PTPRT: variants seen among roughly 807,000 people sequenced by gnomAD.
The protein encoded by PTPRT is protein tyrosine phosphatase receptor type T, also known as receptor-type tyrosine-protein phosphatase T.
PTPRT carries 56 observed loss-of-function variants against 176.8 expected under a neutral mutation model. The ratio of observed to expected loss-of-function variants is 0.32; its 90% CI spans 0.26 to 0.40. The LOEUF (loss-of-function observed/expected upper bound fraction) is 0.40. PTPRT is among the 10% of genes least tolerant of loss of function. The pLI is 1.00. For missense variants in PTPRT, 1,540 were observed against 1,908.2 expected, an observed-to-expected ratio of 0.81 and a Z score of 3.60; for synonymous variants, 783 against 739.0, an observed-to-expected ratio of 1.06 and a Z score of -0.96.
At chr20:43,093,425 T>C (rs534905121) in intron 1 of PTPRT, among the ~76,000 whole-genome samples, 72 of 152,364 alleles carry the variant, frequency 4.7e-4, no homozygotes, top group African/African-American at 1.7e-3. Flanking sequence ...CAATAACTTG[T>C]TCAGCTTTTG....
intron 7 of PTPRT, among the ~76,000 whole-genome samples, chr20:42,631,590 G>T (rs984244415): frequency 5.9e-5 from 9 of 152,188 alleles, no homozygotes; most frequent in Non-Finnish European, 1.2e-4. Context: ...CAGCTAACCT[G>T]CTGGGGAGCT....
chr20:43,025,846 T>C (rs1985887379), intron 1 of PTPRT, among the ~76,000 whole-genome samples: 1 of 152,166 alleles, frequency 6.6e-6, no homozygotes. Flanking sequence ...TCCTTTGACT[T>C]GGATCTCAGA....
intron 8 of PTPRT, among the ~76,000 whole-genome samples, chr20:42,455,415 C>T (rs1255890196): frequency 6.6e-6 from 1 of 152,118 alleles, no homozygotes. Context: ...ATGAGTGTGT[C>T]CTGAGACCAT....
intron 12 of PTPRT, among the ~76,000 whole-genome samples, chr20:42,315,184 C>CAAAAAAAAAAAAAA (rs71193656): frequency 4.4e-4 from 28 of 63,384 alleles, no homozygotes; most frequent in African/African-American, 1.8e-3. Context: ...GGCTCCGTCT[C>CAAAAAAAAAAAAAA]AAAAAAAAAA....
chr20:43,091,420 GTCTC>G (rs143966073), intron 1 of PTPRT, among the ~76,000 whole-genome samples: 3 of 147,160 alleles, frequency 2.0e-5, no homozygotes, highest in East Asian at 2.0e-4. Flanking sequence ...GCTTTCTAGA[GTCTC>G]TCTCTCTCTC....
intron 7 of PTPRT, among the ~76,000 whole-genome samples, chr20:42,607,116 T>G (rs2073891536): frequency 6.6e-6 from 1 of 152,174 alleles, no homozygotes; most frequent in Non-Finnish European, 1.5e-5. Context: ...ATAATTCTAC[T>G]TACATGAGAC....
At chr20:42,119,804 G>C (rs1987489943) in intron 20 of PTPRT, 131 bp downstream of exon 20, 1 of 762,820 alleles carries the variant, frequency 1.3e-6, no homozygotes, top group Non-Finnish European at 2.1e-6. Flanking sequence ...CTCCTCCAGG[G>C]CTGTTTAGTG....
At chr20:42,625,179 G>A (rs996038757) in intron 7 of PTPRT, among the ~76,000 whole-genome samples, 2 of 152,054 alleles carry the variant, frequency 1.3e-5, no homozygotes, top group Non-Finnish European at 2.9e-5. Context: ...GGGTTCTGGA[G>A]CTGAAAGTCC....
At chr20:42,683,753 C>A (rs113088455) in intron 6 of PTPRT, among the ~76,000 whole-genome samples, 39 of 152,314 alleles carry the variant, frequency 2.6e-4, no homozygotes, top group African/African-American at 8.9e-4. Flanking sequence ...TCAAAAAGGA[C>A]TACCTTGGGG....
At chr20:42,703,369 ATAG>A (rs1458762563) in intron 6 of PTPRT, among the ~76,000 whole-genome samples, 1 of 152,206 alleles carries the variant, frequency 6.6e-6, no homozygotes, top group Non-Finnish European at 1.5e-5. Flanking sequence ...AAAAACAAAG[ATAG>A]TAGAAAAGAA....
At chr20:42,567,921 G>A (rs188085880) in intron 7 of PTPRT, among the ~76,000 whole-genome samples, 6 of 151,590 alleles carry the variant, frequency 4.0e-5, no homozygotes, top group Admixed American at 1.3e-4. Flanking sequence ...AATGCCATCT[G>A]TTGAACACCC....
At chr20:42,721,877 T>C (rs2076308799) in intron 6 of PTPRT, among the ~76,000 whole-genome samples, 1 of 152,200 alleles carries the variant, frequency 6.6e-6, no homozygotes. Flanking sequence ...AAATGCCATT[T>C]AGTGATAACC....
intron 6 of PTPRT, among the ~76,000 whole-genome samples, chr20:42,719,318 C>A (rs1397013155): frequency 6.6e-6 from 1 of 152,170 alleles, no homozygotes; most frequent in African/African-American, 2.4e-5. Flanking sequence ...TGGTAGCCAG[C>A]ACTCTGGGGA....
At chr20:42,212,316 G>GAA (rs1243675159) in intron 15 of PTPRT, among the ~76,000 whole-genome samples, 5 of 24,292 alleles carry the variant, frequency 2.1e-4, no homozygotes, top group South Asian at 1.7e-3. Flanking sequence ...AAAAAAAAAA[G>GAA]ACAAAAAAAA....
intron 15 of PTPRT, among the ~76,000 whole-genome samples, chr20:42,205,160 C>A (rs113690893): frequency 1.3e-5 from 2 of 151,792 alleles, no homozygotes; most frequent in Non-Finnish European, 1.5e-5. Context: ...CATGGCACAA[C>A]GAAGGAATTT....
intron 1 of PTPRT, among the ~76,000 whole-genome samples, chr20:43,066,991 CTG>C (rs2011118097): frequency 6.6e-6 from 1 of 152,162 alleles, no homozygotes; most frequent in African/African-American, 2.4e-5. Flanking sequence ...GAAATGTTTG[CTG>C]AGCCCTGTTC....
At chr20:42,837,351 G>A (rs2145714054) in intron 2 of PTPRT, among the ~76,000 whole-genome samples, 1 of 152,314 alleles carries the variant, frequency 6.6e-6, no homozygotes, top group Non-Finnish European at 1.5e-5. Flanking sequence ...CTTCTGCTGG[G>A]AAAGCAGGTA....
intron 12 of PTPRT, among the ~76,000 whole-genome samples, chr20:42,297,114 C>G (rs1010901382): frequency 4.6e-5 from 7 of 151,944 alleles, no homozygotes; most frequent in African/African-American, 1.7e-4. Flanking sequence ...TGATATAAAA[C>G]AAGAATTCAA....
chr20:43,083,355 T>TACAC (rs2011513097), intron 1 of PTPRT, among the ~76,000 whole-genome samples: 1 of 127,322 alleles, frequency 7.9e-6, no homozygotes, highest in African/African-American at 3.1e-5. Flanking sequence ...TATATATATA[T>TACAC]ATATATATAT....
Sources: gnomAD v4.1 joint callset for allele counts (sites outside exome capture counted in the v4.1 genomes callset) on GRCh38, gnomAD v4.1.1 for gene constraint, MANE v1.5 for transcripts, NCBI Gene and HGNC (gene_info 2026-07-23, HGNC 2026-07-21) for gene names.